The following PCDHGB5 variants were observed in gnomAD, a reference collection of about 807,000 sequenced individuals.
PCDHGB5 encodes the protein protocadherin gamma-B5.
Under a neutral mutation model 62.9 loss-of-function variants are expected in PCDHGB5, and 48 were observed. The observed-to-expected ratio is 0.76, with a 90% confidence interval of 0.61 to 0.97. The LOEUF (loss-of-function observed/expected upper bound fraction) is 0.97, where lower values mean the gene tolerates loss of function less well. PCDHGB5 is among the 50% of genes least tolerant of loss of function. The pLI is 0.00. For missense variants in PCDHGB5, 1,118 were observed against 1,198.6 expected (o/e 0.93, Z 0.99); for synonymous variants, 474 against 511.2 (o/e 0.93, Z 0.98).
At chr5:141,403,075 G>A (rs1188549930) in intron 1 of PCDHGB5, 5 of 1,613,968 alleles carry the variant, frequency 3.1e-6, no homozygotes, top group Non-Finnish European at 4.2e-6. Flanking sequence ...AGACAGAAAA[G>A]GGCTATATTG....
At chr5:141,412,601 A>G (rs2095565422) in intron 1 of PCDHGB5, 1 of 152,188 alleles carries the variant, frequency 6.6e-6, no homozygotes, top group African/African-American at 2.4e-5. Context: ...ACTAAATAAA[A>G]TTGGCCTATT....
At chr5:141,426,876 C>T (rs796453479) in intron 1 of PCDHGB5, 2 of 456,726 alleles carry the variant, frequency 4.4e-6, no homozygotes, top group African/African-American at 2.0e-5. Context: ...GGAGAAGCCC[C>T]TGGGCCAGGA....
Position 141,450,006 on chromosome 5 carries a change from C to CTATTTTTT in PCDHGB5, c.2398-44800_2398-44799insATTTTTTT, listed in dbSNP as rs70988802. Among the ~76,000 whole-genome samples the CTATTTTTT allele has an allele frequency of 4.4e-4, 58 of 132,942 alleles. 2 individuals carry two copies. The highest frequency in any genetic ancestry group is 8.4e-4 in the African/African-American group (30 of 35,608). The allele number at this position is 132,942 out of a possible 152,430, so 87.2% of individuals were successfully genotyped here. A position where few individuals can be genotyped will look rare whatever the true frequency, so the allele number is the denominator to read the frequency against. ...CACATTGCATTTAGTTGCCATGTCT[C>CTATTTTTT]TTTTTTTTTTTTTTTTTTGAGACAG... On this transcript the variant is annotated intron_variant, in intron 1 of 3. Coordinates refer to ENST00000617380, the MANE Select transcript of PCDHGB5 (RefSeq NM_018925.3).
At chr5:141,437,826 CT>C (rs1263000808) in intron 1 of PCDHGB5, among the ~76,000 whole-genome samples, 5 of 151,936 alleles carry the variant, frequency 3.3e-5, no homozygotes, top group African/African-American at 1.2e-4. Flanking sequence ...CAACCTCTGC[CT>C]CCTGGGTTCA....
rs2099631185 is a variant in PCDHGB5, at chr5:141,486,568, T to C, written c.2398-8239T>C. Reference sequence around the variant, plus strand: ...AGAGGTCACATGAGGTGTTTGTTCCTGAGAACAATCGCCCAGGGGACCTGC... The same window carrying C: ...AGAGGTCACATGAGGTGTTTGTTCCCGAGAACAATCGCCCAGGGGACCTGC... On this transcript the variant is annotated intron_variant, in intron 1 of 3. Coordinates refer to ENST00000617380, the MANE Select transcript of PCDHGB5 (RefSeq NM_018925.3). The surrounding 1 kb of genome is among the most constrained non-coding windows in gnomAD (Gnocchi z 5.0). 1.9e-6 allele frequency: 3 copies of C among 1,613,862 alleles called. No homozygotes were observed. The South Asian group carries it at 3.3e-5, about 18-fold the overall frequency.
At chr5:141,450,627 C>G (rs947866993) in intron 1 of PCDHGB5, among the ~76,000 whole-genome samples, 1 of 151,592 alleles carries the variant, frequency 6.6e-6, no homozygotes, top group African/African-American at 2.4e-5. Context: ...GCTGGGATTA[C>G]AGATGCCTGC....
In PCDHGB5 at chr5:141,432,076, G is replaced by A. The variant is rs1442341840; in HGVS notation, c.2397+31552G>A. The A allele has an allele frequency of 1.2e-6, 2 of 1,614,160 alleles. No homozygotes were observed. Among genetic ancestry groups the A allele is most frequent in the East Asian group, 2.2e-5 (1 of 44,872 alleles). On this transcript the variant is annotated intron_variant, in intron 1 of 3. Coordinates refer to ENST00000617380, the MANE Select transcript of PCDHGB5 (RefSeq NM_018925.3). This position sits in a 1 kb window ranked among gnomAD's most constrained non-coding sequence, Gnocchi z 6.0. ...CCCTATCCACGGAAACTCATATCTCGCTGAACGTGGCAGACACCAACGACA... is the reference window on the plus strand; with the variant it reads ...CCCTATCCACGGAAACTCATATCTCACTGAACGTGGCAGACACCAACGACA...
intron 1 of PCDHGB5, among the ~76,000 whole-genome samples, chr5:141,451,298 C>T (rs1221562397): frequency 6.6e-6 from 1 of 152,206 alleles, no homozygotes; most frequent in African/African-American, 2.4e-5. Context: ...CAAAGTCTTA[C>T]AAGGCAGCAA....
chr5:141,399,350 G>T lies in PCDHGB5; in HGVS notation c.1223G>T (p.Arg408Leu), dbSNP rs746925566. Residue 408 changes from arginine to leucine, a missense_variant, in exon 1 of 4, where the codon CGA (arginine) becomes CTA (leucine). Coordinates refer to ENST00000617380, the MANE Select transcript of PCDHGB5 (RefSeq NM_018925.3). ...TTGGTAACAGATGGAACCCTAGACC[G>T]AGAGCAAACCCCGGAGTACAATGTC... The part of the protein sequence containing the change: ...YKLVTDGTLD[R>L]EQTPEYNVTI... 2 of 1,613,964 alleles carry T rather than the reference G, an allele frequency of 1.2e-6. No homozygotes were observed. Among genetic ancestry groups the T allele is most frequent in the East Asian group, 2.2e-5 (1 of 44,880 alleles).
At chr5:141,427,777 C>A in intron 1 of PCDHGB5, 1 of 1,432,382 alleles carries the variant, frequency 7.0e-7, no homozygotes, top group Non-Finnish European at 9.7e-7. Flanking sequence ...GAGCTGCGGG[C>A]ACTGTCGTCC....
chr5:141,448,639 T>A (rs1248697237), intron 1 of PCDHGB5, among the ~76,000 whole-genome samples: 1 of 152,148 alleles, frequency 6.6e-6, no homozygotes, highest in Admixed American at 6.6e-5. Flanking sequence ...CATTATATCC[T>A]TTAAAAATAT....
chr5:141,470,680 T>C (rs1212361233), intron 1 of PCDHGB5, among the ~76,000 whole-genome samples: 1 of 152,090 alleles, frequency 6.6e-6, no homozygotes, highest in Non-Finnish European at 1.5e-5. Context: ...GCTGTTACCA[T>C]CTTGAAATTC....
Position 141,491,622 on chromosome 5 carries a change from C to T in PCDHGB5, c.2398-3185C>T, listed in dbSNP as rs980546113. 15 of 1,613,786 alleles carry T rather than the reference C, an allele frequency of 9.3e-6. No individual in the cohort carries two copies. Among genetic ancestry groups the T allele is most frequent in the Non-Finnish European group, 1.3e-5 (15 of 1,180,002 alleles). Reference sequence around the variant, plus strand: ...ACTTCACTTTTCTAAGACCCCTCAGCGTTCAGCAGCCCACAGCTCTGGCGC... The same window carrying T: ...ACTTCACTTTTCTAAGACCCCTCAGTGTTCAGCAGCCCACAGCTCTGGCGC... On this transcript the variant is annotated intron_variant, in intron 1 of 3. Transcript: ENST00000617380. This position sits in a 1 kb window ranked among gnomAD's most constrained non-coding sequence, Gnocchi z 6.9.
chr5:141,418,478 G>C (rs777772131), intron 1 of PCDHGB5: 1 of 1,613,976 alleles, frequency 6.2e-7, no homozygotes, highest in Non-Finnish European at 8.5e-7. Context: ...AACGCAGAGC[G>C]CTCACCACTT....
intron 2 of PCDHGB5, among the ~76,000 whole-genome samples, chr5:141,495,193 T>C (rs1471524188): frequency 6.6e-6 from 1 of 152,192 alleles, no homozygotes; most frequent in Admixed American, 6.5e-5. Context: ...TCTATGCCCA[T>C]GTACTGCCTA....
chr5:141,440,503 G>A (rs979260104), intron 1 of PCDHGB5: 10 of 152,154 alleles, frequency 6.6e-5, no homozygotes, highest in Non-Finnish European at 1.0e-4. Flanking sequence ...ACATTAATAT[G>A]GAGATTCAGG....
Position 141,489,075 on chromosome 5 carries a change from C to A in PCDHGB5, c.2398-5732C>A. The A allele has an allele frequency of 3.1e-6, 1 of 324,814 alleles. No individual in the cohort carries two copies. The highest frequency in any genetic ancestry group is 5.5e-6 in the Non-Finnish European group (1 of 180,380). The allele number at this position is 324,814 out of a possible 1,614,324, so 20.1% of individuals were successfully genotyped here. A position where few individuals can be genotyped will look rare whatever the true frequency, so the allele number is the denominator to read the frequency against. ...TCAGCTCCCCTCCCCCCTGCCCACCCCCGCCACTCGGTGACTAAGAACTGC... is the reference window on the plus strand; with the variant it reads ...TCAGCTCCCCTCCCCCCTGCCCACCACCGCCACTCGGTGACTAAGAACTGC... On this transcript the variant is annotated intron_variant, in intron 1 of 3. Coordinates refer to ENST00000617380, the MANE Select transcript of PCDHGB5 (RefSeq NM_018925.3). The surrounding 1 kb of genome is among the most constrained non-coding windows in gnomAD (Gnocchi z 4.5).
chr5:141,401,171 G>A (rs1222326375), intron 1 of PCDHGB5, among the ~76,000 whole-genome samples: 1 of 152,054 alleles, frequency 6.6e-6, no homozygotes, highest in African/African-American at 2.4e-5. Context: ...GTGAAAACCC[G>A]TCTCTACTAA....
intron 1 of PCDHGB5, chr5:141,475,850 G>A (rs2099376325): frequency 1.9e-5 from 9 of 464,524 alleles, no homozygotes; most frequent in Middle Eastern, 5.9e-4. Context: ...AGAGAGCCCG[G>A]CGCTAGCTCA....
Sources: gnomAD v4.1 joint callset for allele counts (sites outside exome capture counted in the v4.1 genomes callset) on GRCh38, gnomAD v4.1.1 for gene constraint, Gnocchi (gnomAD v3.1) non-coding constraint, MANE v1.5 for transcripts, NCBI Gene and HGNC (gene_info 2026-07-23, HGNC 2026-07-21) for gene names.